PSD3: variants seen among roughly 807,000 people sequenced by gnomAD.
The protein encoded by PSD3 is PH and SEC7 domain-containing protein 3.
A neutral mutation model predicts 105.5 loss-of-function variants in PSD3; 49 were observed. The observed-to-expected ratio is 0.46, with a 90% CI of 0.37 to 0.59. PSD3 has a LOEUF of 0.59. PSD3 is among the 20% of genes least tolerant of loss of function. The probability of loss-of-function intolerance (pLI) is 0.00; values close to 1 mark genes in which losing one functional copy is unlikely to be tolerated. For synonymous variants in PSD3, 557 were observed against 457.8 expected, an observed-to-expected ratio of 1.22 and a Z score of -2.77; for missense variants, 1,561 against 1,263.8, an observed-to-expected ratio of 1.24 and a Z score of -3.57.
At chr8:18,706,737 C>G (rs1183920027) in intron 9 of PSD3, among the ~76,000 whole-genome samples, 1 of 152,206 alleles carries the variant, frequency 6.6e-6, no homozygotes, top group East Asian at 1.9e-4. Context: ...ATGGCTACAT[C>G]AAGCTGCCTA....
At chr8:18,685,655 G>C (rs533569907) in intron 9 of PSD3, among the ~76,000 whole-genome samples, 80 of 152,222 alleles carry the variant, frequency 5.3e-4, no homozygotes, top group African/African-American at 1.8e-3. Context: ...GAAAAATTCT[G>C]TAAAGTTACT....
In PSD3 at chr8:18,941,382, A is replaced by G. The variant is rs1325264198; in HGVS notation, c.22-5240T>C. 3.3e-5 allele frequency among the ~76,000 whole-genome samples: 5 copies of G among 152,158 alleles called. No homozygotes were observed. In the East Asian group the frequency reaches 9.6e-4, roughly 29 times the overall value. On this transcript the variant is annotated intron_variant, in intron 1 of 15. Coordinates refer to ENST00000327040, the MANE Select transcript of PSD3 (RefSeq NM_015310.4). The stretch of plus-strand genomic sequence containing the variant: ...AGCTCTCCTTGAATTCTGAAGCACA[A>G]TGATTCTTCACACTTCTGAACCAGC...
chr8:18,680,240 A>G (rs1366708473), intron 9 of PSD3, among the ~76,000 whole-genome samples: 3 of 152,218 alleles, frequency 2.0e-5, no homozygotes, highest in African/African-American at 7.2e-5. Flanking sequence ...AATACTGCAC[A>G]TTCCAAATTC....
rs1470562110 is a variant in PSD3 at position 18,534,680 on chromosome 8, C to T, written c.*1063G>A. 1.3e-5 allele frequency: 2 copies of T among 152,224 alleles called. No homozygotes were observed. The allele number at this position is 152,224 out of a possible 1,614,324, so 9.4% of individuals were successfully genotyped here. On this transcript the variant is annotated 3_prime_UTR_variant, in exon 16 of 16. Transcript: ENST00000327040. ...AAGAACCAATATCCATCGTGGACAA[C>T]TGCAGCTACGTTTTCCTTCCTTATT...
rs1806374686 is a variant in PSD3, at chr8:18,624,974, G to T, written c.2410+7639C>A. Reference sequence around the variant, plus strand: ...TGGTCTTGAATTCCTGGGCTCAAGTGATCCTCCTGTCTTGGATTCCCAAAG... The same window carrying T: ...TGGTCTTGAATTCCTGGGCTCAAGTTATCCTCCTGTCTTGGATTCCCAAAG... On this transcript the variant is annotated intron_variant, in intron 11 of 15. Transcript: ENST00000327040. Among the ~76,000 whole-genome samples, 11 of 152,084 alleles carry T rather than the reference G, an allele frequency of 7.2e-5. No individual in the cohort carries two copies. In the South Asian group the frequency reaches 2.3e-3, roughly 32 times the overall value.
intron 4 of PSD3, among the ~76,000 whole-genome samples, chr8:18,847,538 G>A (rs548687350): frequency 5.9e-5 from 9 of 152,260 alleles, no homozygotes; most frequent in South Asian, 2.1e-4. Context: ...TTGAATAAAC[G>A]ATCCTAACTG....
intron 2 of PSD3, among the ~76,000 whole-genome samples, chr8:18,873,451 C>T (rs1309104526): frequency 6.7e-6 from 1 of 148,374 alleles, no homozygotes; most frequent in Non-Finnish European, 1.5e-5. Context: ...TATATGTTTA[C>T]ATATATAAAG....
chr8:18,884,964 C>T (rs1818362525), intron 2 of PSD3, among the ~76,000 whole-genome samples: 1 of 152,170 alleles, frequency 6.6e-6, no homozygotes, highest in Non-Finnish European at 1.5e-5. Context: ...TGCAACTGTG[C>T]AGAGCACTGT....
intron 9 of PSD3, among the ~76,000 whole-genome samples, chr8:18,715,484 G>C (rs990535462): frequency 8.5e-5 from 13 of 152,170 alleles, no homozygotes; most frequent in African/African-American, 2.4e-4. Flanking sequence ...TAAAGAGTAA[G>C]TGCTCTACAA....
intron 1 of PSD3, among the ~76,000 whole-genome samples, chr8:18,955,130 T>A (rs60075374): frequency 7.2e-5 from 11 of 151,986 alleles, no homozygotes; most frequent in Non-Finnish European, 1.6e-4. Flanking sequence ...GAGGGCCAAC[T>A]GTGGCTCTGC....
At chr8:18,828,500 G>A (rs529855815) in intron 4 of PSD3, among the ~76,000 whole-genome samples, 13 of 151,938 alleles carry the variant, frequency 8.6e-5, no homozygotes, top group African/African-American at 2.4e-4. Context: ...TATTTTTTAC[G>A]ATGAAAAGTC....
At chr8:18,599,668 T>C (rs1489590472) in intron 12 of PSD3, among the ~76,000 whole-genome samples, 1 of 152,140 alleles carries the variant, frequency 6.6e-6, no homozygotes. Context: ...ATATGCAGAC[T>C]GTTTTCCATC....
chr8:18,709,275 C>G (rs931743124), intron 9 of PSD3, among the ~76,000 whole-genome samples: 3 of 152,176 alleles, frequency 2.0e-5, no homozygotes, highest in African/African-American at 4.8e-5. Context: ...TCCATCCCTC[C>G]TCACTGGGCA....
chr8:18,941,434 G>A (rs948884498), intron 1 of PSD3, among the ~76,000 whole-genome samples: 1 of 152,088 alleles, frequency 6.6e-6, no homozygotes, highest in Non-Finnish European at 1.5e-5. Context: ...TACGGGAGCA[G>A]TAACATCTTT....
rs6986449 is a variant in PSD3, at chr8:18,906,427, T to C, written c.130+29607A>G. ...TGTCGAAGATCATAAACATTGGAAA[T>C]GGGGAAATTCATAGTTAGGAGCAAA... is the stretch of plus-strand genomic sequence containing the variant. On this transcript the variant is annotated intron_variant, in intron 2 of 15. Transcript: ENST00000327040. 7.8e-3 allele frequency among the ~76,000 whole-genome samples: 1,188 copies of C among 152,222 alleles called. 15 individuals are homozygous for C. The highest frequency in any genetic ancestry group is 0.027 in the African/African-American group (1,136 of 41,530).
At chr8:18,772,593 C>T (rs1396140029) in intron 8 of PSD3, among the ~76,000 whole-genome samples, 1 of 152,148 alleles carries the variant, frequency 6.6e-6, no homozygotes, top group African/African-American at 2.4e-5. Flanking sequence ...ACTGTGACCT[C>T]CGCCTCCCAA....
At chr8:18,874,719 A>AG (rs1817620172) in intron 2 of PSD3, among the ~76,000 whole-genome samples, 1 of 151,346 alleles carries the variant, frequency 6.6e-6, no homozygotes, top group African/African-American at 2.4e-5. Context: ...AAAAAAAAAA[A>AG]AAAAAATTTG....
Position 18,795,204 on chromosome 8 carries a change from C to A in PSD3, c.2082+4091G>T, listed in dbSNP as rs143096035. Among the ~76,000 whole-genome samples the A allele has an allele frequency of 1.3e-3, 201 of 152,266 alleles. 4 individuals are homozygous for A. The highest frequency in any genetic ancestry group is 9.5e-3 in the East Asian group (49 of 5,168). On this transcript the variant is annotated intron_variant, in intron 8 of 15. Transcript: ENST00000327040. ...ATGGTTTCAACCCTTTCCAAACTTACAACCCAACACTAAAAACATTAGTAA... is the reference window on the plus strand; with the variant it reads ...ATGGTTTCAACCCTTTCCAAACTTAAAACCCAACACTAAAAACATTAGTAA...
At chr8:18,878,564 T>C (rs77950428) in intron 2 of PSD3, among the ~76,000 whole-genome samples, 3,570 of 152,288 alleles carry the variant, frequency 0.023, 154 homozygotes, top group African/African-American at 0.081. Flanking sequence ...TCTGAATGCA[T>C]AGACATACAC....
Sources: gnomAD v4.1 joint callset for allele counts (sites outside exome capture counted in the v4.1 genomes callset) on GRCh38, gnomAD v4.1.1 for gene constraint, MANE v1.5 for transcripts, NCBI Gene and HGNC (gene_info 2026-07-23, HGNC 2026-07-21) for gene names.